The following NAV2 variants were observed in gnomAD, a reference collection of about 807,000 sequenced individuals.
The protein encoded by NAV2 is neuron navigator 2.
NAV2 carries 54 observed loss-of-function variants against 223.2 expected under a neutral mutation model. The observed-to-expected ratio is 0.24, with a 90% CI of 0.19 to 0.30. The LOEUF is 0.30. Among genes scored for constraint, NAV2 ranks in the 10% least tolerant of loss-of-function variants. The pLI is 1.00. For synonymous variants in NAV2, 1,279 were observed against 1,239.3 expected, an observed-to-expected ratio of 1.03 and a Z score of -0.67; for missense variants, 2,806 against 3,147.5, an observed-to-expected ratio of 0.89 and a Z score of 2.60.
chr11:19,624,044 C>T (rs553261514), intron 1 of NAV2, among the ~76,000 whole-genome samples: 1 of 152,326 alleles, frequency 6.6e-6, no homozygotes, highest in South Asian at 2.1e-4. Context: ...TCCAGACCCT[C>T]TTTGCCTGAG....
At chr11:20,021,710 C>A (rs1441369559) in intron 11 of NAV2, among the ~76,000 whole-genome samples, 2 of 152,154 alleles carry the variant, frequency 1.3e-5, no homozygotes, top group Non-Finnish European at 2.9e-5. Flanking sequence ...GCTTCCCACT[C>A]CCCACGGCAG....
chr11:19,919,429 G>A (rs1238410600), intron 6 of NAV2, among the ~76,000 whole-genome samples: 1 of 152,136 alleles, frequency 6.6e-6, no homozygotes, highest in African/African-American at 2.4e-5. Context: ...AGTGAGAACT[G>A]TGTGTTTACT....
intron 1 of NAV2, among the ~76,000 whole-genome samples, chr11:19,739,005 A>G (rs1361707027): frequency 6.8e-6 from 1 of 147,434 alleles, no homozygotes; most frequent in Non-Finnish European, 1.5e-5. Flanking sequence ...ACATGGTGAA[A>G]CGCCATCACT....
chr11:19,636,244 A>G (rs1293654154), intron 1 of NAV2, among the ~76,000 whole-genome samples: 1 of 152,106 alleles, frequency 6.6e-6, no homozygotes, highest in African/African-American at 2.4e-5. Context: ...GTTTCCCCCT[A>G]GAGAAGCAAT....
intron 1 of NAV2, among the ~76,000 whole-genome samples, chr11:19,499,180 C>A (rs1337553292): frequency 1.3e-5 from 2 of 152,192 alleles, no homozygotes; most frequent in Non-Finnish European, 2.9e-5. Context: ...GAAATTCTAA[C>A]CTCATCTAAT....
intron 1 of NAV2, among the ~76,000 whole-genome samples, chr11:19,631,189 C>T (rs1021481752): frequency 6.6e-6 from 1 of 151,684 alleles, no homozygotes; most frequent in Non-Finnish European, 1.5e-5. Context: ...ATGTGCCACA[C>T]TGGTGCACTG....
intron 1 of NAV2, among the ~76,000 whole-genome samples, chr11:19,382,827 G>A (rs1378695912): frequency 6.6e-6 from 1 of 152,188 alleles, no homozygotes; most frequent in African/African-American, 2.4e-5. Flanking sequence ...AGATTGCATA[G>A]CTAGTACATG....
intron 1 of NAV2, among the ~76,000 whole-genome samples, chr11:19,651,175 A>T (rs1159448659): frequency 6.6e-6 from 1 of 152,224 alleles, no homozygotes; most frequent in Non-Finnish European, 1.5e-5. Context: ...CTAGGTCTGT[A>T]AAAAGCCATT....
At chr11:19,943,027 CA>C (rs1240714891) in intron 8 of NAV2, among the ~76,000 whole-genome samples, 4 of 152,100 alleles carry the variant, frequency 2.6e-5, no homozygotes, top group Non-Finnish European at 4.4e-5. Context: ...TTAAGACCAG[CA>C]ACAATATGTC....
intron 22 of NAV2, among the ~76,000 whole-genome samples, chr11:20,074,869 A>T (rs995462596): frequency 1.3e-5 from 2 of 150,932 alleles, no homozygotes; most frequent in Admixed American, 6.6e-5. Flanking sequence ...AATACAGCAC[A>T]CTGAAGGGTC....
intron 1 of NAV2, among the ~76,000 whole-genome samples, chr11:19,645,694 C>T (rs1441594689): frequency 6.6e-6 from 1 of 152,188 alleles, no homozygotes; most frequent in East Asian, 1.9e-4. Context: ...CTATATGATT[C>T]AAAAGCATGT....
At chr11:20,092,076 T>C (rs768405097) in intron 27 of NAV2, 130 bp from the exon 28 acceptor site, 136 of 795,102 alleles carry the variant, frequency 1.7e-4, no homozygotes, top group Admixed American at 3.5e-4. Flanking sequence ...TAAATCTCTC[T>C]GAGGGTGTTG....
At chr11:19,712,109 G>C (rs962506824), upstream of NAV2, 2 of 152,226 alleles carry the variant, frequency 1.3e-5, no homozygotes, top group Non-Finnish European at 2.9e-5. Flanking sequence ...GTGCGTCCCA[G>C]GCGCGGACAG....
At chr11:19,501,539 C>T (rs2042962935) in intron 1 of NAV2, among the ~76,000 whole-genome samples, 1 of 152,080 alleles carries the variant, frequency 6.6e-6, no homozygotes, top group African/African-American at 2.4e-5. Context: ...TTCCCAAAAA[C>T]AGATCTTGAG....
chr11:19,346,421 C>A (rs752871900), upstream of NAV2, among the ~76,000 whole-genome samples: 1 of 152,176 alleles, frequency 6.6e-6, no homozygotes, highest in South Asian at 2.1e-4. Context: ...TCCCACGCTC[C>A]GGTTAGCTGC....
chr11:19,642,171 A>G (rs2047684346), intron 1 of NAV2, among the ~76,000 whole-genome samples: 1 of 152,126 alleles, frequency 6.6e-6, no homozygotes, highest in Non-Finnish European at 1.5e-5. Context: ...CCACAGTGGC[A>G]CTGTACCCAT....
chr11:19,860,104 C>T (rs1354263854), intron 3 of NAV2, among the ~76,000 whole-genome samples: 6 of 131,484 alleles, frequency 4.6e-5, no homozygotes, highest in African/African-American at 5.8e-5. Flanking sequence ...TCCTCACTTC[C>T]CAGTAGGGGC....
chr11:19,483,205 A>C (rs1243368598), intron 1 of NAV2, among the ~76,000 whole-genome samples: 1 of 152,260 alleles, frequency 6.6e-6, no homozygotes, highest in Non-Finnish European at 1.5e-5. Context: ...GGTCAACCAC[A>C]GTCTGAAAAT....
intron 1 of NAV2, among the ~76,000 whole-genome samples, chr11:19,739,054 G>A (rs959349622): frequency 2.0e-5 from 3 of 152,116 alleles, no homozygotes; most frequent in Non-Finnish European, 2.9e-5. Flanking sequence ...AGTGGCACAC[G>A]CCTGTGGTCT....
Sources: gnomAD v4.1 joint callset for allele counts (sites outside exome capture counted in the v4.1 genomes callset) on GRCh38, gnomAD v4.1.1 for gene constraint, MANE v1.5 for transcripts, NCBI Gene and HGNC (gene_info 2026-07-23, HGNC 2026-07-21) for gene names.